RBMS3: variants seen among roughly 807,000 people sequenced by gnomAD.
The protein encoded by RBMS3 is RNA binding motif single stranded interacting protein 3.
Under a neutral mutation model 66.8 loss-of-function variants are expected in RBMS3, and 27 were observed. The observed-to-expected ratio is 0.40, with a 90% CI of 0.30 to 0.56. The LOEUF (loss-of-function observed/expected upper bound fraction) is 0.56, where lower values mean the gene tolerates loss of function less well. Among genes scored for constraint, RBMS3 ranks in the 20% least tolerant of loss-of-function variants. The pLI is 0.40. For synonymous variants in RBMS3, 188 were observed against 183.0 expected (o/e 1.03, Z -0.22); for missense variants, 513 against 549.5 (o/e 0.93, Z 0.66).
At chr3:29,366,172 A>T (rs141617530) in intron 1 of RBMS3, among the ~76,000 whole-genome samples, 90 of 152,286 alleles carry the variant, frequency 5.9e-4, no homozygotes, top group Middle Eastern at 3.4e-3. Flanking sequence ...TATTTTTTTC[A>T]TATAAAGTGC....
At chr3:29,616,422 G>T (rs2048676079) in intron 4 of RBMS3, 2 of 152,796 alleles carry the variant, frequency 1.3e-5, no homozygotes, top group Admixed American at 1.3e-4. Context: ...GGAGGCGGAG[G>T]TTGCAATGAG....
chr3:29,700,464 T>G (rs1477374606), intron 4 of RBMS3, among the ~76,000 whole-genome samples: 1 of 152,214 alleles, frequency 6.6e-6, no homozygotes, highest in Non-Finnish European at 1.5e-5. Context: ...GTAGAGCTCA[T>G]GTTCCCAAAG....
intron 1 of RBMS3, among the ~76,000 whole-genome samples, chr3:29,368,564 T>C (rs1433181171): frequency 6.8e-6 from 1 of 146,910 alleles, no homozygotes; most frequent in Non-Finnish European, 1.5e-5. Flanking sequence ...AAGGAGCTGT[T>C]AAAAAAAAAA....
chr3:29,836,129 T>C (rs562567198), intron 6 of RBMS3, among the ~76,000 whole-genome samples: 124 of 152,080 alleles, frequency 8.2e-4, no homozygotes, highest in Non-Finnish European at 1.4e-3. Context: ...ATGTAAAATC[T>C]CTCATAAAAG....
chr3:29,304,943 G>T (rs1361000168), intron 1 of RBMS3, among the ~76,000 whole-genome samples: 1 of 151,788 alleles, frequency 6.6e-6, no homozygotes, highest in East Asian at 1.9e-4. Context: ...TATCCTCAGT[G>T]ACTGCTTCTT....
intron 6 of RBMS3, among the ~76,000 whole-genome samples, chr3:29,850,850 G>A (rs2058916164): frequency 6.6e-6 from 1 of 152,152 alleles, no homozygotes; most frequent in African/African-American, 2.4e-5. Context: ...CACTCTAGCA[G>A]GAAAGGGATC....
Position 30,008,084 on chromosome 3 carries a change from C to CA in RBMS3, c.*4229dup, listed in dbSNP as rs551146248. The CA allele has an allele frequency of 4.0e-5, 6 of 151,142 alleles. No individual in the cohort carries two copies. Among genetic ancestry groups the CA allele is most frequent in the Non-Finnish European group, 4.4e-5 (3 of 67,726 alleles). The allele number at this position is 151,142 out of a possible 1,614,324, so 9.4% of individuals were successfully genotyped here. On this transcript the variant is annotated 3_prime_UTR_variant, in exon 15 of 15. Coordinates refer to ENST00000383767, the MANE Select transcript of RBMS3 (RefSeq NM_001003793.3). ...CTCCAAAAAAGTAATTTTTTTTTCC[C>CA]AAAAAAACCTCTTTATTTAAATAAT...
At chr3:29,538,375 G>GC (rs2045646782) in intron 3 of RBMS3, among the ~76,000 whole-genome samples, 2 of 152,128 alleles carry the variant, frequency 1.3e-5, no homozygotes, top group South Asian at 4.1e-4. Context: ...TAAACCAAGA[G>GC]CACTAACAGG....
At chr3:29,908,269 A>G (rs1250196772) in intron 10 of RBMS3, among the ~76,000 whole-genome samples, 1 of 151,962 alleles carries the variant, frequency 6.6e-6, no homozygotes, top group African/African-American at 2.4e-5. Context: ...AAACAAACAA[A>G]CAGAATTTGT....
chr3:29,566,292 G>A (rs888343276), intron 3 of RBMS3, among the ~76,000 whole-genome samples: 2 of 152,138 alleles, frequency 1.3e-5, no homozygotes, highest in African/African-American at 4.8e-5. Flanking sequence ...ACTAATGGAG[G>A]AGAAGAATTC....
intron 2 of RBMS3, among the ~76,000 whole-genome samples, chr3:29,481,358 G>A (rs992096367): frequency 2.6e-5 from 4 of 152,158 alleles, no homozygotes; most frequent in African/African-American, 4.8e-5. Flanking sequence ...ACATGGTTAG[G>A]TTCTAGAAGG....
intron 6 of RBMS3, among the ~76,000 whole-genome samples, chr3:29,832,406 T>C (rs1309908161): frequency 2.0e-5 from 3 of 152,188 alleles, no homozygotes; most frequent in Non-Finnish European, 4.4e-5. Context: ...TACCAATGGA[T>C]GAGAGTACCT....
intron 3 of RBMS3, among the ~76,000 whole-genome samples, chr3:29,495,308 T>C (rs146376638): frequency 3.9e-4 from 60 of 152,198 alleles, no homozygotes; most frequent in Admixed American, 7.2e-4. Context: ...GGTGAATAAA[T>C]ATTAGGCCAT....
intron 1 of RBMS3, among the ~76,000 whole-genome samples, chr3:29,306,509 T>C (rs2034023845): frequency 6.6e-6 from 1 of 151,962 alleles, no homozygotes; most frequent in African/African-American, 2.4e-5. Context: ...CTTGCAACCA[T>C]AAAACCTTAA....
chr3:29,655,786 G>A (rs188524754), intron 4 of RBMS3, among the ~76,000 whole-genome samples: 1 of 152,056 alleles, frequency 6.6e-6, no homozygotes, highest in East Asian at 1.9e-4. Context: ...CCAGATGAAG[G>A]CATTATTACA....
At chr3:29,448,966 A>G (rs78477070) in intron 2 of RBMS3, among the ~76,000 whole-genome samples, 6,461 of 152,282 alleles carry the variant, frequency 0.042, 223 homozygotes, top group Admixed American at 0.12. Context: ...GGGAGTAACT[A>G]TTGTAATAAA....
chr3:29,485,992 G>A (rs1022865066), intron 2 of RBMS3, among the ~76,000 whole-genome samples: 9 of 151,952 alleles, frequency 5.9e-5, no homozygotes, highest in Admixed American at 3.3e-4. Flanking sequence ...ATTTTCCTTC[G>A]GAGTGTATAA....
At chr3:29,778,718 C>T (rs1047197856) in intron 6 of RBMS3, among the ~76,000 whole-genome samples, 9 of 151,802 alleles carry the variant, frequency 5.9e-5, no homozygotes, top group South Asian at 2.1e-4. Context: ...TCCTCAATTT[C>T]CCCTTTGGTA....
At chr3:29,826,177 A>G (rs1433170105) in intron 6 of RBMS3, among the ~76,000 whole-genome samples, 4 of 152,204 alleles carry the variant, frequency 2.6e-5, no homozygotes, top group African/African-American at 9.6e-5. Context: ...AGTTATTACT[A>G]TAGATATTTT....
Sources: gnomAD v4.1 joint callset for allele counts (sites outside exome capture counted in the v4.1 genomes callset) on GRCh38, gnomAD v4.1.1 for gene constraint, MANE v1.5 for transcripts, NCBI Gene and HGNC (gene_info 2026-07-23, HGNC 2026-07-21) for gene names.